MYO3B: variants seen among roughly 807,000 people sequenced by gnomAD.
MYO3B encodes myosin IIIB.
MYO3B carries 156 observed loss-of-function variants against 174.6 expected under a neutral mutation model. The ratio of observed to expected loss-of-function variants is 0.89; its 90% CI spans 0.78 to 1.02. MYO3B has a LOEUF of 1.02. Ranked by LOEUF, MYO3B falls within the 50% of genes least tolerant of loss-of-function variation. The pLI is 0.00. For synonymous variants in MYO3B, 563 were observed against 569.1 expected (o/e 0.99, Z 0.15); for missense variants, 1,632 against 1,639.4 (o/e 1.00, Z 0.08).
At chr2:170,234,456 A>G (rs1220390397) in intron 6 of MYO3B, among the ~76,000 whole-genome samples, 2 of 152,130 alleles carry the variant, frequency 1.3e-5, no homozygotes, top group Non-Finnish European at 1.5e-5. Context: ...CAGAATTCTC[A>G]TGACCTAACC....
chr2:170,328,435 C>T (rs1320425086), intron 7 of MYO3B, among the ~76,000 whole-genome samples: 2 of 152,094 alleles, frequency 1.3e-5, no homozygotes, highest in East Asian at 3.8e-4. Flanking sequence ...TTGCTGATTG[C>T]TTCCTCCTTG....
In MYO3B at chr2:170,214,788, T is replaced by G; in HGVS notation, c.486T>G (p.Ile162Met). 1.2e-6 allele frequency: 2 copies of G among 1,614,168 alleles called. No individual in the cohort carries two copies. The highest frequency in any genetic ancestry group is 1.7e-6 in the Non-Finnish European group (2 of 1,180,004). Residue 162 changes from isoleucine to methionine, a missense_variant, in exon 5 of 35, where the codon ATT becomes ATG. Transcript: ENST00000408978. ...ACCGTGATGTGAAGGGGAATAACAT[T>G]CTTCTGACAACAGAAGGAGGAGTTA... is the stretch of plus-strand genomic sequence containing the variant. The part of the protein sequence containing the change: ...IIHRDVKGNN[I>M]LLTTEGGVKL...
intron 8 of MYO3B, among the ~76,000 whole-genome samples, chr2:170,347,687 A>G (rs1211301940): frequency 1.3e-5 from 2 of 152,224 alleles, no homozygotes; most frequent in Non-Finnish European, 2.9e-5. Context: ...TCTGTGACAT[A>G]TTTCAATGTC....
intron 30 of MYO3B, chr2:170,524,442 G>T: frequency 2.4e-6 from 1 of 412,772 alleles, no homozygotes; most frequent in East Asian, 7.6e-5. Flanking sequence ...ACAACTGCTA[G>T]CATTTGGTTC....
In MYO3B at chr2:170,551,351, T is replaced by TA. The variant is rs1553520402; in HGVS notation, c.3733+7364dup. Among the ~76,000 whole-genome samples, 617 of 133,632 alleles carry TA rather than the reference T, an allele frequency of 4.6e-3. 7 individuals are homozygous for TA. The highest frequency in any genetic ancestry group is 0.016 in the Middle Eastern group (4 of 256). 87.7% of individuals were successfully genotyped at this position (133,632 alleles called of 152,430 possible). ...TATATTTAATTTAATTTAATTTAATTATTTATTTATTTATTTATTTATTTA... is the reference window on the plus strand; with the variant it reads ...TATATTTAATTTAATTTAATTTAATTAATTTATTTATTTATTTATTTATTTA... On this transcript the variant is annotated intron_variant, in intron 32 of 34. Transcript: ENST00000408978.
rs533240637 is a variant in MYO3B, at chr2:170,330,174, C to T, written c.750-5211C>T. On this transcript the variant is annotated intron_variant, in intron 7 of 34. Transcript: ENST00000408978. The stretch of plus-strand genomic sequence containing the variant: ...TTTAAAATTCACAACTTTCAGGAAG[C>T]CCTTCTTAATTAACTGTGCCTCACT... Among the ~76,000 whole-genome samples, 3 of 152,278 alleles carry T rather than the reference C, an allele frequency of 2.0e-5. No homozygotes were observed. The East Asian group carries it at 5.8e-4, about 29-fold the overall frequency.
chr2:170,199,510 G>T, intron 2 of MYO3B, 119 bp downstream of exon 2: 1 of 812,580 alleles, frequency 1.2e-6, no homozygotes, highest in Non-Finnish European at 1.8e-6. Flanking sequence ...TCTCAAAATG[G>T]GTCATGATTT....
At chr2:170,561,932 C>T (rs1195407152) in intron 32 of MYO3B, among the ~76,000 whole-genome samples, 2 of 151,704 alleles carry the variant, frequency 1.3e-5, no homozygotes, top group Admixed American at 1.3e-4. Context: ...CATTAAACAA[C>T]AACAACAAAA....
intron 32 of MYO3B, among the ~76,000 whole-genome samples, chr2:170,564,459 C>T (rs144329666): frequency 4.6e-5 from 7 of 152,196 alleles, no homozygotes; most frequent in African/African-American, 1.2e-4. Flanking sequence ...GGCAATGGAA[C>T]GAGCCTCCAT....
In MYO3B at chr2:170,486,841, T is replaced by C. The variant is rs1339292154; in HGVS notation, c.3015-11751T>C. ...ATCATGTCCTTCATAACCCTGACCA[T>C]AGGAAACCATCCTTCAGAAGCTTCT... On this transcript the variant is annotated intron_variant, in intron 25 of 34. Transcript: ENST00000408978. 4.6e-5 allele frequency among the ~76,000 whole-genome samples: 7 copies of C among 152,174 alleles called. No individual in the cohort carries two copies. In the East Asian group the frequency reaches 5.8e-4, roughly 13 times the overall value.
intron 32 of MYO3B, among the ~76,000 whole-genome samples, chr2:170,603,506 T>C (rs1169634331): frequency 6.6e-6 from 1 of 152,224 alleles, no homozygotes; most frequent in Non-Finnish European, 1.5e-5. Context: ...TGGCATTGAT[T>C]AGTGTCACTG....
intron 32 of MYO3B, among the ~76,000 whole-genome samples, chr2:170,587,654 G>A (rs1693568755): frequency 6.6e-6 from 1 of 152,170 alleles, no homozygotes; most frequent in South Asian, 2.1e-4. Context: ...TAATGACCTG[G>A]ACTGATGGCC....
chr2:170,560,999 C>A (rs137903159), intron 32 of MYO3B, among the ~76,000 whole-genome samples: 1 of 152,314 alleles, frequency 6.6e-6, no homozygotes, highest in Non-Finnish European at 1.5e-5. Context: ...GCAGTCAGCT[C>A]ACAACACACT....
chr2:170,368,380 A>T (rs1246883827), intron 8 of MYO3B, among the ~76,000 whole-genome samples: 2 of 152,240 alleles, frequency 1.3e-5, no homozygotes, highest in African/African-American at 4.8e-5. Context: ...CAGAATAGAA[A>T]TGTGATGGCA....
intron 32 of MYO3B, among the ~76,000 whole-genome samples, chr2:170,562,213 A>G (rs1043066843): frequency 7.9e-5 from 12 of 152,216 alleles, no homozygotes; most frequent in African/African-American, 2.9e-4. Flanking sequence ...ATGCTCAGAT[A>G]ATTTATGCAC....
intron 32 of MYO3B, among the ~76,000 whole-genome samples, chr2:170,584,101 G>A (rs919476239): frequency 1.3e-5 from 2 of 152,210 alleles, no homozygotes; most frequent in Admixed American, 6.5e-5. Flanking sequence ...TGTAGAGAAT[G>A]TCTTATGTGC....
intron 32 of MYO3B, among the ~76,000 whole-genome samples, chr2:170,584,118 C>T (rs1260123225): frequency 6.6e-6 from 1 of 152,170 alleles, no homozygotes; most frequent in Non-Finnish European, 1.5e-5. Flanking sequence ...GTGCATGCCA[C>T]CAGGCTTTTG....
intron 32 of MYO3B, among the ~76,000 whole-genome samples, chr2:170,614,128 T>C (rs1187243598): frequency 1.3e-5 from 2 of 152,092 alleles, no homozygotes; most frequent in Admixed American, 1.3e-4. Context: ...GTAGAAGCAA[T>C]GGGGCATAAC....
chr2:170,367,282 G>A (rs182440424), intron 8 of MYO3B, among the ~76,000 whole-genome samples: 90 of 152,326 alleles, frequency 5.9e-4, no homozygotes, highest in Middle Eastern at 3.4e-3. Flanking sequence ...ACGGATGGGT[G>A]GGATGAATAT....
Sources: allele counts gnomAD v4.1 joint callset (sites outside exome capture counted in the v4.1 genomes callset), GRCh38; gene constraint gnomAD v4.1.1; transcripts MANE v1.5; gene names NCBI Gene and HGNC (gene_info 2026-07-23, HGNC 2026-07-21).